Variants in MSI2 observed in about 807,000 individuals in gnomAD.
The protein encoded by MSI2 is RNA-binding protein Musashi homolog 2.
In MSI2, 17 loss-of-function variants were observed where a neutral mutation model predicts 45.6. The ratio of observed to expected loss-of-function variants is 0.37; its 90% confidence interval spans 0.26 to 0.56. The LOEUF (loss-of-function observed/expected upper bound fraction) is 0.56. Among genes scored for constraint, MSI2 ranks in the 20% least tolerant of loss-of-function variants. The pLI, the probability that MSI2 is intolerant of heterozygous loss-of-function variation, is 0.77. For synonymous variants in MSI2, 156 were observed against 158.2 expected (o/e 0.99, Z 0.11); for missense variants, 293 against 444.2 (o/e 0.66, Z 3.06).
chr17:57,629,803 C>G (rs1012069019), intron 10 of MSI2: 1 of 152,434 alleles, frequency 6.6e-6, no homozygotes, highest in African/African-American at 2.4e-5. Context: ...GCTCACGCAT[C>G]TCGGCCCTCC....
intron 5 of MSI2, among the ~76,000 whole-genome samples, chr17:57,299,362 T>C (rs1911247714): frequency 6.6e-6 from 1 of 152,252 alleles, no homozygotes; most frequent in Non-Finnish European, 1.5e-5. Context: ...TTTCAGCCTG[T>C]CTGGGCTTTT....
intron 7 of MSI2, among the ~76,000 whole-genome samples, chr17:57,535,312 G>C (rs566142893): frequency 6.6e-6 from 1 of 152,328 alleles, no homozygotes; most frequent in African/African-American, 2.4e-5. Flanking sequence ...CCTGAGCCCT[G>C]CACAGCTGGG....
chr17:57,508,942 A>G (rs1024105080), intron 6 of MSI2, among the ~76,000 whole-genome samples: 1 of 152,210 alleles, frequency 6.6e-6, no homozygotes, highest in East Asian at 1.9e-4. Context: ...CCTAAAGTAC[A>G]GTGTCATCTT....
chr17:57,531,829 G>A (rs557892526), intron 7 of MSI2: 1 of 152,348 alleles, frequency 6.6e-6, no homozygotes, highest in Non-Finnish European at 1.5e-5. Context: ...AGGCCCAGAG[G>A]ATGTGCCGGG....
Position 57,357,594 on chromosome 17 carries a change from T to TAAC in MSI2, c.313-43784_313-43782dup, listed in dbSNP as rs535903812. Among the ~76,000 whole-genome samples, 4 of 152,256 alleles carry TAAC rather than the reference T, an allele frequency of 2.6e-5. No homozygotes were observed. In the East Asian group the frequency reaches 7.7e-4, roughly 29 times the overall value. On this transcript the variant is annotated intron_variant, in intron 5 of 13. Coordinates refer to ENST00000284073, the MANE Select transcript of MSI2 (RefSeq NM_138962.4). ...GCATAGGCCGCTGCTGCTTACTTAT[T>TAAC]AACGATGACGCTGGTGGGAGCTGCG...
chr17:57,590,065 T>G (rs1904681888), intron 7 of MSI2, among the ~76,000 whole-genome samples: 1 of 152,240 alleles, frequency 6.6e-6, no homozygotes, highest in African/African-American at 2.4e-5. Flanking sequence ...TAAATATTCT[T>G]AAGTACACAT....
chr17:57,535,176 G>A (rs972102930), intron 7 of MSI2, among the ~76,000 whole-genome samples: 2 of 152,204 alleles, frequency 1.3e-5, no homozygotes, highest in Non-Finnish European at 2.9e-5. Flanking sequence ...AGTGGAATGC[G>A]GGCATGTTGC....
chr17:57,553,767 C>T (rs1202028845), intron 7 of MSI2, among the ~76,000 whole-genome samples: 1 of 152,194 alleles, frequency 6.6e-6, no homozygotes, highest in East Asian at 1.9e-4. Flanking sequence ...CTGTGTTTAT[C>T]GCGAGAGAGC....
chr17:57,596,977 T>G lies in MSI2; in HGVS notation c.537+27T>G. 1 of 1,503,288 alleles carries G rather than the reference T, an allele frequency of 6.7e-7. No homozygotes were observed. The highest frequency in any genetic ancestry group is 9.3e-7 in the Non-Finnish European group (1 of 1,079,394). 93.1% of individuals were successfully genotyped at this position (1,503,288 alleles called of 1,614,324 possible). ...TAAGTGTGTAGGGGTTGCGCTGAAA[T>G]GGAATGCCCCCTTTCTCTACGTACA... On this transcript the variant is annotated intron_variant, in intron 8 of 13. Transcript: ENST00000284073. The surrounding 1 kb of genome is among the most constrained non-coding windows in gnomAD (Gnocchi z 4.6).
chr17:57,567,900 A>G (rs1343508383), intron 7 of MSI2, among the ~76,000 whole-genome samples: 3 of 152,252 alleles, frequency 2.0e-5, no homozygotes, highest in Non-Finnish European at 4.4e-5. Context: ...CCTAGCTTAC[A>G]ATAAATACCT....
chr17:57,485,176 A>G (rs575637314), intron 6 of MSI2, among the ~76,000 whole-genome samples: 1 of 152,260 alleles, frequency 6.6e-6, no homozygotes, highest in Non-Finnish European at 1.5e-5. Context: ...AGCCTCAAAC[A>G]GGTTGGCCTG....
chr17:57,519,621 G>T (rs199712486), intron 6 of MSI2, among the ~76,000 whole-genome samples: 1 of 152,014 alleles, frequency 6.6e-6, no homozygotes, highest in East Asian at 1.9e-4. Flanking sequence ...CTCCTCTCCC[G>T]AGCCTACCGG....
intron 10 of MSI2, among the ~76,000 whole-genome samples, chr17:57,646,829 C>T (rs999046149): frequency 7.5e-6 from 1 of 132,640 alleles, no homozygotes; most frequent in Non-Finnish European, 1.6e-5. Flanking sequence ...AGCCAGACAT[C>T]CTCGTTTTGA....
Position 57,677,053 on chromosome 17 carries a change from C to G in MSI2, c.*25C>G, listed in dbSNP as rs780728555. The G allele has an allele frequency of 1.9e-6, 3 of 1,611,274 alleles. No individual in the cohort carries two copies. The African/African-American group carries it at 4.0e-5, about 22-fold the overall frequency. The stretch of plus-strand genomic sequence containing the variant: ...AGCAGGTGCTTTCGTTGCCATCTCA[C>G]TCTGAGGTATTACCGTCTCTGCCAT... On this transcript the variant is annotated 3_prime_UTR_variant, in exon 13 of 14. Coordinates refer to ENST00000284073, the MANE Select transcript of MSI2 (RefSeq NM_138962.4).
At chr17:57,412,371 A>G (rs1567809142) in intron 6 of MSI2, among the ~76,000 whole-genome samples, 1 of 152,140 alleles carries the variant, frequency 6.6e-6, no homozygotes, top group Non-Finnish European at 1.5e-5. Flanking sequence ...TAGAACAAAT[A>G]TTATGGCACA....
chr17:57,688,146 G>T (rs1317591812), downstream of MSI2, among the ~76,000 whole-genome samples: 1 of 152,050 alleles, frequency 6.6e-6, no homozygotes, highest in Non-Finnish European at 1.5e-5. Flanking sequence ...GGAACTTGTA[G>T]GGGTGCTGCT....
intron 7 of MSI2, among the ~76,000 whole-genome samples, chr17:57,537,822 G>A (rs1598379195): frequency 6.6e-6 from 1 of 152,232 alleles, no homozygotes; most frequent in South Asian, 2.1e-4. Context: ...CCCGGGGCAA[G>A]AGGGAGCTTG....
In MSI2 at chr17:57,447,385, C is replaced by T. The variant is rs964433311; in HGVS notation, c.405+45914C>T. Among the ~76,000 whole-genome samples, 14 of 152,312 alleles carry T rather than the reference C, an allele frequency of 9.2e-5. No homozygotes were observed. In the South Asian group the frequency reaches 2.9e-3, roughly 32 times the overall value. On this transcript the variant is annotated intron_variant, in intron 6 of 13. Coordinates refer to ENST00000284073, the MANE Select transcript of MSI2 (RefSeq NM_138962.4). ...TCCCGAGTAACTGGGTTTACAGGCG[C>T]AAGCCACTGTGCCCAGCTTAAGTTT...
chr17:57,699,371 C>G, the MSI2 span, among the ~76,000 whole-genome samples: 1 of 148,542 alleles, frequency 6.7e-6, no homozygotes, highest in East Asian at 2.2e-4. Flanking sequence ...GAGAGTGGCC[C>G]AATCAGAATT....
Sources: allele counts gnomAD v4.1 joint callset (sites outside exome capture counted in the v4.1 genomes callset), GRCh38; gene constraint gnomAD v4.1.1; non-coding constraint Gnocchi (gnomAD v3.1); transcripts MANE v1.5; gene names NCBI Gene and HGNC (gene_info 2026-07-23, HGNC 2026-07-21).